The following SORBS3 variants were observed in gnomAD, a reference collection of about 807,000 sequenced individuals.
The protein encoded by SORBS3 is sorbin and SH3 domain containing 3.
A neutral mutation model predicts 98.0 loss-of-function variants in SORBS3; 69 were observed. That is an observed-to-expected ratio of 0.70 (90% CI 0.58 to 0.86). The LOEUF is 0.86. Among genes scored for constraint, SORBS3 ranks in the 40% least tolerant of loss-of-function variants. The probability of loss-of-function intolerance (pLI) is 0.00; values close to 1 mark genes in which losing one functional copy is unlikely to be tolerated. For synonymous variants in SORBS3, 394 were observed against 355.4 expected (o/e 1.11, Z -1.22); for missense variants, 954 against 908.5 (o/e 1.05, Z -0.64).
At chr8:22,550,236 C>A (rs1228792038), upstream of SORBS3, among the ~76,000 whole-genome samples, 1 of 152,216 alleles carries the variant, frequency 6.6e-6, no homozygotes, top group Non-Finnish European at 1.5e-5. Flanking sequence ...CACAGCAATG[C>A]CCCTGCCATC....
chr8:22,556,589 C>G, intron 3 of SORBS3, 126 bp from the exon 4 acceptor site: 2 of 792,586 alleles, frequency 2.5e-6, no homozygotes, highest in South Asian at 1.5e-5. Context: ...GTCATCCACT[C>G]AAACAAACAA....
chr8:22,565,936 C>A (rs999227785), intron 12 of SORBS3, 64 bp downstream of exon 12: 35 of 1,120,396 alleles, frequency 3.1e-5, no homozygotes, highest in Non-Finnish European at 3.8e-5. Context: ...GAACGTGGCG[C>A]GGCCGGGCGG....
At position 22,554,794 on chromosome 8, in the gene SORBS3, T is replaced by A; in HGVS notation, c.103-69T>A. The A allele has an allele frequency of 6.8e-7, 1 of 1,477,422 alleles. No individual in the cohort carries two copies. Among genetic ancestry groups the A allele is most frequent in the Non-Finnish European group, 9.3e-7 (1 of 1,071,268 alleles). 91.5% of individuals were successfully genotyped at this position (1,477,422 alleles called of 1,614,324 possible). A position where few individuals can be genotyped will look rare whatever the true frequency, so the allele number is the denominator to read the frequency against. The stretch of plus-strand genomic sequence containing the variant: ...GACTGTCACCGAGGGGTGTGGGCTG[T>A]GCCTAGTAGCCATCCCTCCCTCCCG... On this transcript the variant is annotated intron_variant, in intron 2 of 20. Coordinates refer to ENST00000240123, the MANE Select transcript of SORBS3 (RefSeq NM_005775.5). This position sits in a 1 kb window ranked among gnomAD's most constrained non-coding sequence, Gnocchi z 6.5.
upstream of SORBS3, among the ~76,000 whole-genome samples, chr8:22,551,485 G>A (rs1249804052): frequency 1.3e-5 from 2 of 152,174 alleles, no homozygotes; most frequent in Non-Finnish European, 2.9e-5. This position sits in a 1 kb window ranked among gnomAD's most constrained non-coding sequence, Gnocchi z 5.8. Context: ...CCGCTGCGAG[G>A]CCGCTCGCTT....
intron 5 of SORBS3, among the ~76,000 whole-genome samples, chr8:22,559,212 G>A (rs1296928224): frequency 6.6e-6 from 1 of 152,226 alleles, no homozygotes; most frequent in Non-Finnish European, 1.5e-5. Context: ...CAATCCAGGG[G>A]AGAGATAATC....
chr8:22,563,887 C>T (rs1419958717), intron 7 of SORBS3, 100 bp from the exon 8 acceptor site: 3 of 882,468 alleles, frequency 3.4e-6, no homozygotes, highest in African/African-American at 1.6e-5. Context: ...GCAGAGTAGA[C>T]CCCACAGCAG....
chr8:22,558,271 G>A, intron 5 of SORBS3, 79 bp downstream of exon 5: 1 of 1,387,840 alleles, frequency 7.2e-7, no homozygotes, highest in Non-Finnish European at 1.0e-6. Flanking sequence ...GGAAAGAAAA[G>A]GGGACTTAGC....
At chr8:22,550,248 C>T (rs966321795), upstream of SORBS3, among the ~76,000 whole-genome samples, 3 of 152,226 alleles carry the variant, frequency 2.0e-5, no homozygotes, top group Non-Finnish European at 4.4e-5. Flanking sequence ...CCTGCCATCC[C>T]CATCTCTCCG....
At chr8:22,566,162 G>A in intron 12 of SORBS3, 183 bp from the exon 13 acceptor site, 5 of 827,710 alleles carry the variant, frequency 6.0e-6, no homozygotes, top group South Asian at 2.4e-5. Flanking sequence ...GCCCTGCCGG[G>A]CCTCACCCTT....
chr8:22,563,530 C>T (rs1840339584), intron 7 of SORBS3, among the ~76,000 whole-genome samples: 1 of 152,202 alleles, frequency 6.6e-6, no homozygotes, highest in Non-Finnish European at 1.5e-5. Context: ...CACTCAGCCA[C>T]AGCACCCAGA....
intron 14 of SORBS3, 32 bp from the exon 15 acceptor site, chr8:22,566,788 TGA>T (rs775921261): frequency 1.9e-6 from 3 of 1,613,918 alleles, no homozygotes; most frequent in Non-Finnish European, 2.5e-6. Flanking sequence ...CCCGCCCAAC[TGA>T]GAGAGCCCAC....
Position 22,564,033 on chromosome 8 carries a change from TA to T in SORBS3, c.632del (p.Tyr211SerfsTer23). The T allele has an allele frequency of 6.2e-7, 1 of 1,613,992 alleles. No individual in the cohort carries two copies. The highest frequency in any genetic ancestry group is 8.5e-7 in the Non-Finnish European group (1 of 1,180,024). On this transcript the variant is annotated frameshift_variant, in exon 8 of 21. Coordinates refer to ENST00000240123, the MANE Select transcript of SORBS3 (RefSeq NM_005775.5). LOFTEE classifies it high-confidence loss of function. ...AGAGTTACCTAGAAGCACCTTCAAC[TA>T]CAGACCTGGAGCATTCTCCACTGTG... The part of the protein sequence containing the change: ...SEELPRSTFN[Y>X]RPGAFSTVLQ...
chr8:22,554,690 A>C lies in SORBS3; in HGVS notation c.102+82A>C. ...TAGCAGGTCAGGTGGGGGCAGGAGG[A>C]TGAAAGGGATGGAGGGAGGGCTGAA... On this transcript the variant is annotated intron_variant, in intron 2 of 20. Coordinates refer to ENST00000240123, the MANE Select transcript of SORBS3 (RefSeq NM_005775.5). This position sits in a 1 kb window ranked among gnomAD's most constrained non-coding sequence, Gnocchi z 6.5. 1 of 1,461,382 alleles carries C rather than the reference A, an allele frequency of 6.8e-7. No individual in the cohort carries two copies. Among genetic ancestry groups the C allele is most frequent in the Non-Finnish European group, 9.2e-7 (1 of 1,086,758 alleles). 90.5% of individuals were successfully genotyped at this position (1,461,382 alleles called of 1,614,324 possible).
intron 16 of SORBS3, among the ~76,000 whole-genome samples, chr8:22,567,595 T>C (rs1481160721): frequency 6.6e-6 from 1 of 152,208 alleles, no homozygotes; most frequent in Non-Finnish European, 1.5e-5. Flanking sequence ...AGTGATAGAT[T>C]ATCTCTGTTT....
At position 22,564,293 on chromosome 8, in the gene SORBS3, G is replaced by T. The variant is rs375908619; in HGVS notation, c.686G>T (p.Arg229Leu). 11 of 1,600,294 alleles carry T rather than the reference G, an allele frequency of 6.9e-6. No individual in the cohort carries two copies. In the South Asian group the frequency reaches 1.0e-4, roughly 15 times the overall value. Residue 229 changes from arginine (R) to leucine (L), a missense_variant, in exon 9 of 21, where the codon CGC (arginine) becomes CTC (leucine). By Grantham distance (102) the Arg-to-Leu change is moderately radical (BLOSUM62 -2). Transcript: ENST00000240123. ...CCCACCTCCACGCAGGTGCTCAGAC[G>T]CCGGGAAAAAGTAGACAATGTCTGG... ...VLQPSNQVLRRREKVDNVWTE... is the reference protein window; with the variant it reads ...VLQPSNQVLRLREKVDNVWTE...
intron 12 of SORBS3, 185 bp from the exon 13 acceptor site, chr8:22,566,160 G>C (rs1212593741): frequency 2.5e-6 from 2 of 806,208 alleles, no homozygotes; most frequent in South Asian, 2.6e-5. Flanking sequence ...GGGCCCTGCC[G>C]GGCCTCACCC....
rs570914240 is a variant in SORBS3, at chr8:22,558,895, G to A, written c.478+703G>A. 2.6e-5 allele frequency among the ~76,000 whole-genome samples: 4 copies of A among 152,334 alleles called. No individual in the cohort carries two copies. The East Asian group carries it at 5.8e-4, about 22-fold the overall frequency. On this transcript the variant is annotated intron_variant, in intron 5 of 20. Coordinates refer to ENST00000240123, the MANE Select transcript of SORBS3 (RefSeq NM_005775.5). ...GAAGCATTCCAGCAAAGGGAGCTCCGAAGACCCAGAGGTAGAAGCATGTTC... is the reference window on the plus strand; with the variant it reads ...GAAGCATTCCAGCAAAGGGAGCTCCAAAGACCCAGAGGTAGAAGCATGTTC...
At position 22,566,698 on chromosome 8, in the gene SORBS3, G is replaced by A. The variant is rs1320369014; in HGVS notation, c.1128G>A (p.Arg376=). The change falls in exon 14 of 21, where the codon AGG becomes AGA. Residue 376 remains arginine, a synonymous_variant. Transcript: ENST00000240123. The stretch of plus-strand genomic sequence containing the variant: ...CTAACGGAGGGGGCAGCCCAGCCAG[G>A]AGGGAAGAGAAGAAGGTAAGGAGGG... The part of the protein sequence containing the change: ...SASNGGGSPA[R]REEKKRKAAR... The A allele has an allele frequency of 2.5e-6, 4 of 1,612,346 alleles. No homozygotes were observed. The highest frequency in any genetic ancestry group is 2.7e-5 in the African/African-American group (2 of 74,848).
chr8:22,574,194 A>G (rs1294236882), intron 20 of SORBS3, among the ~76,000 whole-genome samples: 2 of 152,098 alleles, frequency 1.3e-5, no homozygotes, highest in African/African-American at 4.8e-5. Context: ...CCTCTTCAAG[A>G]CACGAGTTTC....
Sources: gnomAD v4.1 joint callset for allele counts (sites outside exome capture counted in the v4.1 genomes callset) on GRCh38, gnomAD v4.1.1 for gene constraint, Gnocchi (gnomAD v3.1) non-coding constraint, MANE v1.5 for transcripts, NCBI Gene and HGNC (gene_info 2026-07-23, HGNC 2026-07-21) for gene names.